The following SYDE2 variants were observed in gnomAD, a reference collection of about 807,000 sequenced individuals.
SYDE2 encodes synapse defective Rho GTPase homolog 2, also known as rho GTPase-activating protein SYDE2.
SYDE2 carries 76 observed loss-of-function variants against 91.5 expected under a neutral mutation model. The ratio of observed to expected loss-of-function variants is 0.83; its 90% CI spans 0.69 to 1.01. The LOEUF (loss-of-function observed/expected upper bound fraction) is 1.01. SYDE2 is among the 50% of genes least tolerant of loss of function. The pLI is 0.00. For missense variants in SYDE2, 1,364 were observed against 1,367.7 expected (o/e 1.00, Z 0.04); for synonymous variants, 513 against 506.4 (o/e 1.01, Z -0.18).
At chr1:85,153,822 G>A (rs868856927), downstream of SYDE2, 1 of 151,774 alleles carries the variant, frequency 6.6e-6, no homozygotes, top group Admixed American at 6.6e-5. Context: ...TTTAAAAAGA[G>A]GTATGACATA....
chr1:85,173,663 A>C (rs1657584489), intron 4 of SYDE2, among the ~76,000 whole-genome samples: 1 of 152,222 alleles, frequency 6.6e-6, no homozygotes, highest in Non-Finnish European at 1.5e-5. Flanking sequence ...AGAAATATCC[A>C]GCACCCAAGA....
chr1:85,197,623 A>G (rs1658636451), intron 1 of SYDE2, among the ~76,000 whole-genome samples: 1 of 152,158 alleles, frequency 6.6e-6, no homozygotes, highest in Admixed American at 6.5e-5. Flanking sequence ...TTTAAAATGA[A>G]TACAGCAAAT....
At chr1:85,168,115 CAAA>C (rs147196368) in intron 5 of SYDE2, among the ~76,000 whole-genome samples, 3 of 128,466 alleles carry the variant, frequency 2.3e-5, no homozygotes, top group African/African-American at 2.8e-5. Context: ...ACTCCTTCTT[CAAA>C]AAAAAAAAAA....
chr1:85,182,899 G>A lies in SYDE2; in HGVS notation c.1743C>T (p.Thr581=). 1 of 1,613,652 alleles carries A rather than the reference G, an allele frequency of 6.2e-7. No homozygotes were observed. Among genetic ancestry groups the A allele is most frequent in the Non-Finnish European group, 8.5e-7 (1 of 1,179,746 alleles). Reference sequence around the variant, plus strand: ...TTATAACATTCCTCTTAGCAGCGGTGGTTGTGTTCCCAGAGGGCAGAATAT... The same window carrying A: ...TTATAACATTCCTCTTAGCAGCGGTAGTTGTGTTCCCAGAGGGCAGAATAT... ...HTDILPSGNT[T]TAAKRNVISR... The change falls in exon 3 of 7, where the codon ACC becomes ACT. Residue 581 remains threonine, a synonymous_variant. Coordinates refer to ENST00000341460, the MANE Select transcript of SYDE2 (RefSeq NM_032184.2).
At chr1:85,154,026 C>T (rs1042320478), downstream of SYDE2, 1 of 152,270 alleles carries the variant, frequency 6.6e-6, no homozygotes, top group Non-Finnish European at 1.5e-5. Flanking sequence ...AGAAATCTGA[C>T]TTGTGGCACT....
At chr1:85,184,930 A>C (rs2100676973) in intron 2 of SYDE2, among the ~76,000 whole-genome samples, 1 of 151,994 alleles carries the variant, frequency 6.6e-6, no homozygotes, top group East Asian at 1.9e-4. Context: ...TGAGGAAAAA[A>C]CAAGTCATAA....
intron 5 of SYDE2, 93 bp from the exon 6 acceptor site, chr1:85,164,850 C>A (rs1020289266): frequency 2.8e-6 from 2 of 723,098 alleles, no homozygotes; most frequent in Middle Eastern, 2.9e-4. Context: ...CATCTTGTCA[C>A]TTTTAAAAGG....
At chr1:85,170,037 A>G (rs867389341) in intron 4 of SYDE2, among the ~76,000 whole-genome samples, 1 of 152,106 alleles carries the variant, frequency 6.6e-6, no homozygotes, top group African/African-American at 2.4e-5. Context: ...CTAAATATAT[A>G]CAATATTGAT....
rs189323989 is a variant in SYDE2 at position 85,200,942 on chromosome 1, C to G, written c.55G>C (p.Asp19His). Residue 19 changes from aspartate (D) to histidine (H), a missense_variant, in exon 1 of 7, where the codon GAT becomes CAT. Coordinates refer to ENST00000341460, the MANE Select transcript of SYDE2 (RefSeq NM_032184.2). ...CGGGCTCCCGCGGGGAAGCTGTGAT[C>G]CGCCAAGCCCCTGCCGCCCCGCCGC... ...GARRGGRGLA[D>H]HSFPAGARAP... The G allele has an allele frequency of 3.9e-6, 5 of 1,298,522 alleles. No individual in the cohort carries two copies. The South Asian group carries it at 8.2e-5, about 21-fold the overall frequency. 80.4% of individuals were successfully genotyped at this position (1,298,522 alleles called of 1,614,324 possible). A position where few individuals can be genotyped will look rare whatever the true frequency, so the allele number is the denominator to read the frequency against.
intron 3 of SYDE2, chr1:85,181,856 T>C (rs1177812424): frequency 8.7e-6 from 3 of 343,658 alleles, no homozygotes; most frequent in Non-Finnish European, 1.6e-5. Context: ...TTTCTAATTA[T>C]AAGACCCATG....
rs757423875 is a variant in SYDE2, at chr1:85,183,125, A to T, written c.1517T>A (p.Val506Glu). 6.2e-7 allele frequency: 1 copy of T among 1,612,978 alleles called. No individual in the cohort carries two copies. The highest frequency in any genetic ancestry group is 2.2e-5 in the East Asian group (1 of 44,878). The change falls in exon 3 of 7, where the codon GTG becomes GAG. Residue 506 changes from valine to glutamate, a missense_variant. Val to Glu is a moderately radical substitution (Grantham distance 121). Transcript: ENST00000341460. ...CCAATTAATTGAACTGCCTTTTTTC[A>T]CAGGGCTAGGATTTGGAGAAGATGG... ...MEPSSPNPSP[V>E]KKGSSINWSL... is the part of the protein sequence containing the mutation.
chr1:85,155,009 C>CAAAAAAAAAAAAAAAAAAAAAA, downstream of SYDE2, among the ~76,000 whole-genome samples: 5 of 80,642 alleles, frequency 6.2e-5, no homozygotes, highest in East Asian at 3.2e-4. Flanking sequence ...AAGAATGCAG[C>CAAAAAAAAAAAAAAAAAAAAAA]AAAAAAAAAA....
At chr1:85,180,413 C>T (rs1462867778) in intron 3 of SYDE2, among the ~76,000 whole-genome samples, 2 of 151,934 alleles carry the variant, frequency 1.3e-5, no homozygotes, top group Admixed American at 6.6e-5. Context: ...AGTTCTAGGC[C>T]GGACGCGGTG....
intron 3 of SYDE2, among the ~76,000 whole-genome samples, chr1:85,181,007 C>T (rs1017658381): frequency 6.6e-6 from 1 of 152,022 alleles, no homozygotes; most frequent in Admixed American, 6.6e-5. Context: ...CTCACTCACA[C>T]AAAGACAACA....
chr1:85,154,363 AT>A (rs1444924840), downstream of SYDE2, among the ~76,000 whole-genome samples: 2 of 95,558 alleles, frequency 2.1e-5, no homozygotes, highest in Non-Finnish European at 4.4e-5. Context: ...TTTATTTTTC[AT>A]TTTTTATTTT....
rs1173053313 is a variant in SYDE2, at chr1:85,158,182, A to T, written c.*568T>A. 6.6e-6 allele frequency: 1 copy of T among 152,382 alleles called. No homozygotes were observed. The highest frequency in any genetic ancestry group is 1.5e-5 in the Non-Finnish European group (1 of 68,210). The allele number at this position is 152,382 out of a possible 1,614,324, so 9.4% of individuals were successfully genotyped here. A position where few individuals can be genotyped will look rare whatever the true frequency, so the allele number is the denominator to read the frequency against. On this transcript the variant is annotated 3_prime_UTR_variant, in exon 7 of 7. Coordinates refer to ENST00000341460, the MANE Select transcript of SYDE2 (RefSeq NM_032184.2). ...CATCTGAGATCAGGAGTTCGAGACC[A>T]GCCTGGCCAACATGGTGAAACCCCA...
intron 6 of SYDE2, chr1:85,160,280 AT>A (rs1321243545): frequency 1.1e-6 from 1 of 938,418 alleles, no homozygotes; most frequent in Non-Finnish European, 1.3e-6. Flanking sequence ...CTGAAAAACT[AT>A]AAAAACATAT....
chr1:85,171,249 A>C (rs569473422), intron 4 of SYDE2, among the ~76,000 whole-genome samples: 2 of 152,312 alleles, frequency 1.3e-5, no homozygotes, highest in South Asian at 4.1e-4. Flanking sequence ...CTTGGGAATG[A>C]TTATCAGGGA....
intron 4 of SYDE2, 56 bp downstream of exon 4, chr1:85,178,086 ATCTT>A: frequency 7.5e-7 from 1 of 1,329,914 alleles, no homozygotes; most frequent in Non-Finnish European, 1.0e-6. Context: ...TATTTCAGTT[ATCTT>A]TCTTGCAGAT....
Sources: allele counts gnomAD v4.1 joint callset (sites outside exome capture counted in the v4.1 genomes callset), GRCh38; gene constraint gnomAD v4.1.1; transcripts MANE v1.5; gene names NCBI Gene and HGNC (gene_info 2026-07-23, HGNC 2026-07-21).